PPP1R9A: variants seen among roughly 807,000 people sequenced by gnomAD.
PPP1R9A encodes the protein neurabin-1.
A neutral mutation model predicts 141.9 loss-of-function variants in PPP1R9A; 59 were observed. The ratio of observed to expected loss-of-function variants is 0.42; its 90% CI spans 0.34 to 0.52. The LOEUF (loss-of-function observed/expected upper bound fraction) is 0.52, where lower values mean the gene tolerates loss of function less well. PPP1R9A is among the 20% of genes least tolerant of loss of function. PPP1R9A has a pLI of 0.10. For missense variants in PPP1R9A, 1,444 were observed against 1,611.9 expected, an observed-to-expected ratio of 0.90 and a Z score of 1.78; for synonymous variants, 500 against 569.7, an observed-to-expected ratio of 0.88 and a Z score of 1.74.
At chr7:95,118,394 A>G (rs1375090410) in intron 3 of PPP1R9A, among the ~76,000 whole-genome samples, 1 of 152,210 alleles carries the variant, frequency 6.6e-6, no homozygotes, top group African/African-American at 2.4e-5. Flanking sequence ...TATTTATGTT[A>G]GTCAGCATTA....
chr7:95,163,801 G>A (rs564603306), intron 5 of PPP1R9A, among the ~76,000 whole-genome samples: 3 of 152,112 alleles, frequency 2.0e-5, no homozygotes, highest in East Asian at 3.9e-4. Flanking sequence ...GTGCAGTGGC[G>A]CAGTCTCAAC....
intron 2 of PPP1R9A, among the ~76,000 whole-genome samples, chr7:94,953,523 G>A (rs1229258886): frequency 2.6e-5 from 4 of 152,142 alleles, no homozygotes; most frequent in Non-Finnish European, 4.4e-5. Flanking sequence ...CATGGGGATA[G>A]CATTGAATCT....
intron 4 of PPP1R9A, among the ~76,000 whole-genome samples, chr7:95,123,376 A>T (rs1265036114): frequency 2.0e-5 from 3 of 152,132 alleles, no homozygotes; most frequent in Non-Finnish European, 4.4e-5. Context: ...GGGCCAGGCG[A>T]GGTGGCTTAT....
chr7:94,978,184 A>G (rs958474441), intron 2 of PPP1R9A, among the ~76,000 whole-genome samples: 13 of 152,236 alleles, frequency 8.5e-5, no homozygotes, highest in African/African-American at 3.1e-4. Flanking sequence ...GGGGAGTGGC[A>G]TAATTCTCCT....
chr7:95,170,989 G>C (rs1332317635), intron 5 of PPP1R9A, among the ~76,000 whole-genome samples: 5 of 151,576 alleles, frequency 3.3e-5, no homozygotes, highest in Non-Finnish European at 5.9e-5. Context: ...TGTGCATGAA[G>C]TAGTAGTATA....
chr7:94,986,914 C>T (rs959031101), intron 2 of PPP1R9A, among the ~76,000 whole-genome samples: 2 of 152,034 alleles, frequency 1.3e-5, no homozygotes, highest in Non-Finnish European at 2.9e-5. Flanking sequence ...TAAAAGTATC[C>T]ATTGCTCACC....
intron 2 of PPP1R9A, among the ~76,000 whole-genome samples, chr7:95,027,038 G>A (rs1382650875): frequency 1.3e-5 from 2 of 152,144 alleles, no homozygotes; most frequent in Non-Finnish European, 1.5e-5. Context: ...GGTGGGATCT[G>A]CTGAGCTAGA....
At chr7:95,265,342 A>T (rs1323070199) in intron 12 of PPP1R9A, among the ~76,000 whole-genome samples, 1 of 152,190 alleles carries the variant, frequency 6.6e-6, no homozygotes, top group Non-Finnish European at 1.5e-5. Context: ...GTCACAGATT[A>T]ACTGTGTGGT....
chr7:95,025,815 A>G (rs1369027868), intron 2 of PPP1R9A, among the ~76,000 whole-genome samples: 1 of 124,984 alleles, frequency 8.0e-6, no homozygotes, highest in East Asian at 2.0e-4. Context: ...GCTTTATTTC[A>G]TTAAGTTGAT....
At chr7:95,022,950 G>T (rs766738025) in intron 2 of PPP1R9A, among the ~76,000 whole-genome samples, 1 of 152,028 alleles carries the variant, frequency 6.6e-6, no homozygotes, top group African/African-American at 2.4e-5. Flanking sequence ...CTTTTTTGTT[G>T]TGTCTCTGCC....
chr7:95,019,438 G>T (rs1168656101), intron 2 of PPP1R9A, among the ~76,000 whole-genome samples: 1 of 151,838 alleles, frequency 6.6e-6, no homozygotes, highest in Non-Finnish European at 1.5e-5. Flanking sequence ...TCACCGTTGG[G>T]GCATGACACA....
rs1801808834 is a variant in PPP1R9A at position 95,269,406 on chromosome 7, G to A, written c.3023G>A (p.Trp1008Ter). ...GAAATGGGGCCTCTCTCCTCTATGT[G>A]GGGAGACACTTCACTGTTTTCTACT... ...DPEMGPLSSM[W>*]GDTSLFSTSK... Residue 1008 changes from tryptophan (W) to a stop codon, truncating the protein, a stop_gained, in exon 14 of 20, where the codon TGG (tryptophan) becomes TAG (stop). Coordinates refer to ENST00000433360, the MANE Select transcript of PPP1R9A (RefSeq NM_001166160.2). LOFTEE classifies it high-confidence loss of function. 2 of 1,596,644 alleles carry A rather than the reference G, an allele frequency of 1.3e-6. No individual in the cohort carries two copies. Among genetic ancestry groups the A allele is most frequent in the South Asian group, 2.2e-5 (2 of 90,904 alleles).
At chr7:94,982,221 T>C (rs1488308514) in intron 2 of PPP1R9A, among the ~76,000 whole-genome samples, 3 of 152,278 alleles carry the variant, frequency 2.0e-5, no homozygotes, top group Admixed American at 6.5e-5. Flanking sequence ...ATCCAGTCTA[T>C]CATTGATGGA....
chr7:94,979,670 A>T (rs1212230171), intron 2 of PPP1R9A, among the ~76,000 whole-genome samples: 1 of 152,138 alleles, frequency 6.6e-6, no homozygotes, highest in Admixed American at 6.5e-5. Flanking sequence ...ATTACCTCTT[A>T]ATTTTCTCCA....
chr7:95,131,592 G>T (rs570100834), intron 4 of PPP1R9A, among the ~76,000 whole-genome samples: 12 of 151,474 alleles, frequency 7.9e-5, no homozygotes, highest in Admixed American at 6.6e-5. Context: ...TTTTGCTTAC[G>T]ATTGCTTTGG....
chr7:95,250,450 G>T (rs148384767), intron 10 of PPP1R9A, among the ~76,000 whole-genome samples, 195 bp downstream of exon 10: 1 of 152,054 alleles, frequency 6.6e-6, no homozygotes, highest in Admixed American at 6.6e-5. Context: ...ATTATGTTTT[G>T]TATATTTTAT....
intron 2 of PPP1R9A, among the ~76,000 whole-genome samples, chr7:94,919,499 C>T (rs1028151280): frequency 2.6e-5 from 4 of 151,960 alleles, no homozygotes; most frequent in African/African-American, 7.3e-5. Context: ...TTCATCTTTA[C>T]ATTGGTCTTT....
At chr7:94,942,093 A>G (rs995279998) in intron 2 of PPP1R9A, among the ~76,000 whole-genome samples, 10 of 152,148 alleles carry the variant, frequency 6.6e-5, no homozygotes, top group Non-Finnish European at 1.2e-4. Context: ...GAAAAAAAAG[A>G]AAAGAAATTT....
intron 8 of PPP1R9A, 72 bp from the exon 9 acceptor site, chr7:95,247,401 G>A: frequency 1.6e-6 from 2 of 1,279,174 alleles, no homozygotes; most frequent in Non-Finnish European, 2.2e-6. Flanking sequence ...AGGCATTCTT[G>A]TAGCTGCTGA....
Sources: gnomAD v4.1 joint callset for allele counts (sites outside exome capture counted in the v4.1 genomes callset) on GRCh38, gnomAD v4.1.1 for gene constraint, MANE v1.5 for transcripts, NCBI Gene and HGNC (gene_info 2026-07-23, HGNC 2026-07-21) for gene names.